GRIN3A: variants seen among roughly 807,000 people sequenced by gnomAD.
GRIN3A encodes glutamate receptor ionotropic, NMDA 3A.
Under a neutral mutation model 92.4 loss-of-function variants are expected in GRIN3A, and 47 were observed. The ratio of observed to expected loss-of-function variants is 0.51; its 90% CI spans 0.40 to 0.65. The LOEUF is 0.65. GRIN3A is among the 30% of genes least tolerant of loss of function. The pLI, the probability that GRIN3A is intolerant of heterozygous loss-of-function variation, is 0.00. For synonymous variants in GRIN3A, 527 were observed against 540.6 expected, an observed-to-expected ratio of 0.97 and a Z score of 0.35; for missense variants, 1,324 against 1,393.1, an observed-to-expected ratio of 0.95 and a Z score of 0.79.
At chr9:101,705,261 C>T (rs892714876) in intron 1 of GRIN3A, among the ~76,000 whole-genome samples, 9 of 151,990 alleles carry the variant, frequency 5.9e-5, no homozygotes, top group South Asian at 2.1e-4. Context: ...GGAACAGAGC[C>T]GCAGAGAACA....
intron 3 of GRIN3A, among the ~76,000 whole-genome samples, chr9:101,635,966 C>A (rs1263271710): frequency 1.3e-5 from 2 of 152,080 alleles, no homozygotes; most frequent in Admixed American, 6.5e-5. Flanking sequence ...CTCAGTGCAA[C>A]CTCCGTCTCC....
intron 1 of GRIN3A, among the ~76,000 whole-genome samples, chr9:101,719,190 G>A (rs1406316746): frequency 2.6e-5 from 4 of 152,110 alleles, no homozygotes; most frequent in African/African-American, 7.2e-5. Flanking sequence ...AGGCCGAAGC[G>A]GGCGGATCAC....
At chr9:101,677,783 C>T (rs529174136) in intron 2 of GRIN3A, among the ~76,000 whole-genome samples, 4 of 152,170 alleles carry the variant, frequency 2.6e-5, no homozygotes, top group African/African-American at 7.2e-5. Flanking sequence ...GTTTGATTTT[C>T]TTCTCCATAT....
rs1173388437 is a variant in GRIN3A at position 101,570,795 on chromosome 9, T to A, written c.*2379A>T. On this transcript the variant is annotated 3_prime_UTR_variant, in exon 9 of 9. Coordinates refer to ENST00000361820, the MANE Select transcript of GRIN3A (RefSeq NM_133445.3). ...CAAAAATGCAGACTTACAAAACAGA[T>A]ACATTAAGGGATAATTAATTGCATT... The A allele has an allele frequency of 6.6e-6, 1 of 152,634 alleles. No individual in the cohort carries two copies. The highest frequency in any genetic ancestry group is 1.5e-5 in the Non-Finnish European group (1 of 68,044). The allele number at this position is 152,634 out of a possible 1,614,324, so 9.5% of individuals were successfully genotyped here.
Position 101,570,642 on chromosome 9 carries a change from T to C in GRIN3A, c.*2532A>G, listed in dbSNP as rs1588231358. ...CATCCTGGCCAGTGTTTTGGCCAGG[T>C]AGTTCCTCCAAAGATGTTTGAGGAG... On this transcript the variant is annotated 3_prime_UTR_variant, in exon 9 of 9. Transcript: ENST00000361820. The C allele has an allele frequency of 6.6e-6, 1 of 152,628 alleles. No homozygotes were observed. The highest frequency in any genetic ancestry group is 2.4e-5 in the African/African-American group (1 of 41,456). The allele number at this position is 152,628 out of a possible 1,614,324, so 9.5% of individuals were successfully genotyped here.
chr9:101,583,607 CA>C (rs35956246), intron 6 of GRIN3A, among the ~76,000 whole-genome samples: 2 of 152,008 alleles, frequency 1.3e-5, no homozygotes, highest in South Asian at 4.2e-4. Context: ...GTGATGCAGA[CA>C]AAATGATAAT....
chr9:101,620,911 A>G (rs1043423531), intron 5 of GRIN3A, among the ~76,000 whole-genome samples: 4 of 152,090 alleles, frequency 2.6e-5, no homozygotes, highest in Non-Finnish European at 4.4e-5. Flanking sequence ...AAATTCATGA[A>G]ATTATTTCTC....
At chr9:101,611,093 G>T (rs1276618330) in intron 6 of GRIN3A, among the ~76,000 whole-genome samples, 3 of 137,966 alleles carry the variant, frequency 2.2e-5, no homozygotes, top group Non-Finnish European at 4.7e-5. Flanking sequence ...GTGAGAGTCT[G>T]TCTCAAAAAA....
chr9:101,599,786 C>A (rs1288364110), intron 6 of GRIN3A, among the ~76,000 whole-genome samples: 1 of 152,136 alleles, frequency 6.6e-6, no homozygotes, highest in African/African-American at 2.4e-5. Context: ...ATTTTTCAAG[C>A]CAGTCAGGAG....
rs1226451554 is a variant in GRIN3A at position 101,738,605 on chromosome 9, G to C, written c.-626C>G. 1 of 153,204 alleles carries C rather than the reference G, an allele frequency of 6.5e-6. No homozygotes were observed. Among genetic ancestry groups the C allele is most frequent in the Non-Finnish European group, 1.4e-5 (1 of 68,978 alleles). The allele number at this position is 153,204 out of a possible 1,614,324, so 9.5% of individuals were successfully genotyped here. The stretch of plus-strand genomic sequence containing the variant: ...GCCTTTCTTTCGTTATTTTTCCACC[G>C]AGTCGCCACCGCCGCTTGCTTCCTC... On this transcript the variant is annotated 5_prime_UTR_variant, in exon 1 of 9. Transcript: ENST00000361820.
At chr9:101,720,998 A>G (rs1830005688) in intron 1 of GRIN3A, among the ~76,000 whole-genome samples, 1 of 152,254 alleles carries the variant, frequency 6.6e-6, no homozygotes, top group Admixed American at 6.5e-5. Context: ...AACTTAAAAT[A>G]GAAGTAAAAC....
intron 6 of GRIN3A, among the ~76,000 whole-genome samples, chr9:101,611,542 C>T (rs571651638): frequency 1.3e-5 from 2 of 152,220 alleles, no homozygotes; most frequent in African/African-American, 2.4e-5. Flanking sequence ...AATTTCACAC[C>T]CGATGTATGC....
At chr9:101,676,177 G>T (rs1829392351) in intron 2 of GRIN3A, among the ~76,000 whole-genome samples, 1 of 151,790 alleles carries the variant, frequency 6.6e-6, no homozygotes, top group African/African-American at 2.4e-5. Context: ...CCATCCTCAA[G>T]TGTCTTCTTT....
chr9:101,681,391 G>A (rs898207915), intron 2 of GRIN3A, among the ~76,000 whole-genome samples: 7 of 152,046 alleles, frequency 4.6e-5, no homozygotes, highest in African/African-American at 1.7e-4. Context: ...GTTGACATCC[G>A]CTCTGCATAT....
chr9:101,611,298 A>G (rs1182895910), intron 6 of GRIN3A, among the ~76,000 whole-genome samples: 1 of 151,966 alleles, frequency 6.6e-6, no homozygotes, highest in South Asian at 2.1e-4. Context: ...TTGTAGCTGC[A>G]TGCTCCAGTC....
intron 3 of GRIN3A, among the ~76,000 whole-genome samples, chr9:101,638,507 A>C (rs1828812607): frequency 6.6e-6 from 1 of 152,130 alleles, no homozygotes; most frequent in South Asian, 2.1e-4. Flanking sequence ...AATCTTGTGG[A>C]GTTAAGTCTG....
rs1828074606 is a variant in GRIN3A, at chr9:101,594,187, T to C, written c.2767-14827A>G. The C allele has an allele frequency of 2.2e-5, 11 of 501,014 alleles. No homozygotes were observed. The South Asian group carries it at 3.7e-4, about 17-fold the overall frequency. The allele number at this position is 501,014 out of a possible 1,614,324, so 31.0% of individuals were successfully genotyped here. A position where few individuals can be genotyped will look rare whatever the true frequency, so the allele number is the denominator to read the frequency against. On this transcript the variant is annotated intron_variant, in intron 6 of 8. Coordinates refer to ENST00000361820, the MANE Select transcript of GRIN3A (RefSeq NM_133445.3). ...GCCATTTCCTTTTCTTTCCCCACTA[T>C]GCTCATTTGACTTGCTCTTCCCCCT...
At chr9:101,581,306 C>G (rs1053595697) in intron 6 of GRIN3A, among the ~76,000 whole-genome samples, 3 of 152,092 alleles carry the variant, frequency 2.0e-5, no homozygotes, top group Non-Finnish European at 2.9e-5. Flanking sequence ...ACATGACTTT[C>G]CTGGACAGTG....
chr9:101,674,005 G>A (rs1408292135), intron 2 of GRIN3A, among the ~76,000 whole-genome samples: 3 of 152,118 alleles, frequency 2.0e-5, no homozygotes, highest in Non-Finnish European at 4.4e-5. Context: ...AAGTGCCAGA[G>A]CTGAGTCTTG....
Sources: allele counts gnomAD v4.1 joint callset (sites outside exome capture counted in the v4.1 genomes callset), GRCh38; gene constraint gnomAD v4.1.1; transcripts MANE v1.5; gene names NCBI Gene and HGNC (gene_info 2026-07-23, HGNC 2026-07-21).